The following ATF6 variants were observed in gnomAD, a reference collection of about 807,000 sequenced individuals.
ATF6 encodes activating transcription factor 6.
In ATF6, 53 loss-of-function variants were observed where a neutral mutation model predicts 83.6. The observed-to-expected ratio is 0.63, with a 90% confidence interval of 0.51 to 0.80. ATF6 has a LOEUF of 0.80. ATF6 is among the 30% of genes least tolerant of loss of function. The pLI is 0.00. For missense variants in ATF6, 744 were observed against 797.9 expected (o/e 0.93, Z 0.81); for synonymous variants, 288 against 285.8 (o/e 1.01, Z -0.08).
intron 15 of ATF6, among the ~76,000 whole-genome samples, chr1:161,919,493 G>A (rs1203231493): frequency 1.3e-5 from 2 of 152,068 alleles, no homozygotes; most frequent in African/African-American, 4.8e-5. Context: ...ATAGAAAAGG[G>A]GGTTTTTAAT....
intron 9 of ATF6, among the ~76,000 whole-genome samples, chr1:161,829,189 C>CTTTT (rs35619050): frequency 7.2e-4 from 52 of 72,554 alleles, no homozygotes; most frequent in Non-Finnish European, 1.1e-3. Flanking sequence ...TAATGGGAGA[C>CTTTT]TTTTTTTTTT....
Position 161,943,579 on chromosome 1 carries a change from G to C in ATF6, c.1805-14867G>C, listed in dbSNP as rs1416184663. Reference sequence around the variant, plus strand: ...TGATTCTCTCTGCTTCAGTCACACTGGTCACCTTACTATTCCTCAGATACT... The same window carrying C: ...TGATTCTCTCTGCTTCAGTCACACTCGTCACCTTACTATTCCTCAGATACT... On this transcript the variant is annotated intron_variant, in intron 15 of 15. Transcript: ENST00000367942. 2.0e-5 allele frequency among the ~76,000 whole-genome samples: 3 copies of C among 152,048 alleles called. No individual in the cohort carries two copies. In the East Asian group the frequency reaches 5.8e-4, roughly 29 times the overall value.
intron 3 of ATF6, among the ~76,000 whole-genome samples, chr1:161,782,331 T>C (rs1479545120): frequency 6.6e-6 from 1 of 152,220 alleles, no homozygotes; most frequent in Non-Finnish European, 1.5e-5. Flanking sequence ...AGAGCCTGGG[T>C]TACCAGAACC....
chr1:161,766,683 A>G (rs2271010), intron 1 of ATF6, among the ~76,000 whole-genome samples: 21,586 of 152,174 alleles, frequency 0.14, 2,082 homozygotes, highest in East Asian at 0.31. Flanking sequence ...CACTATTCCC[A>G]CTGGGGAAGT....
chr1:161,823,158 ATTAAAACT>A (rs1455231111), intron 9 of ATF6, among the ~76,000 whole-genome samples: 1 of 152,016 alleles, frequency 6.6e-6, no homozygotes, highest in African/African-American at 2.4e-5. Flanking sequence ...TATATGAGAA[ATTAAAACT>A]TTAAAAATAA....
intron 9 of ATF6, among the ~76,000 whole-genome samples, chr1:161,839,141 A>ATGGT (rs1686293843): frequency 1.3e-5 from 2 of 152,204 alleles, no homozygotes; most frequent in African/African-American, 2.4e-5. Flanking sequence ...CAAGAGGCAG[A>ATGGT]TGGTGCATGA....
At chr1:161,832,079 A>G (rs556983566) in intron 9 of ATF6, among the ~76,000 whole-genome samples, 20 of 152,282 alleles carry the variant, frequency 1.3e-4, no homozygotes, top group Non-Finnish European at 2.1e-4. Context: ...TAGAAAAAAT[A>G]AACTACAGAA....
intron 3 of ATF6, 99 bp from the exon 4 acceptor site, chr1:161,783,891 C>A: frequency 1.2e-6 from 1 of 842,548 alleles, no homozygotes; most frequent in Non-Finnish European, 1.9e-6. Flanking sequence ...GCTTCCATAT[C>A]TGATTGAATT....
At chr1:161,813,589 T>C (rs757288584) in intron 7 of ATF6, among the ~76,000 whole-genome samples, 13 of 152,228 alleles carry the variant, frequency 8.5e-5, no homozygotes, top group Non-Finnish European at 1.9e-4. Flanking sequence ...TTCTGTCCTG[T>C]GCTTTTCTGT....
chr1:161,873,714 C>A (rs1375978780), intron 14 of ATF6, among the ~76,000 whole-genome samples: 1 of 151,472 alleles, frequency 6.6e-6, no homozygotes, highest in Admixed American at 6.6e-5. Flanking sequence ...ACACTGGAAG[C>A]CTGCAAGATG....
At chr1:161,929,759 A>G (rs1203815282) in intron 15 of ATF6, among the ~76,000 whole-genome samples, 1 of 152,230 alleles carries the variant, frequency 6.6e-6, no homozygotes. Context: ...AGATGAAAAA[A>G]CAATGTGTTC....
chr1:161,819,529 T>TG, intron 7 of ATF6, 104 bp from the exon 8 acceptor site: 1 of 930,450 alleles, frequency 1.1e-6, no homozygotes, highest in Non-Finnish European at 1.5e-6. Context: ...ACCTATGCTT[T>TG]GAAAAAATTG....
chr1:161,781,543 T>C (rs995861664), intron 2 of ATF6, among the ~76,000 whole-genome samples: 8 of 152,248 alleles, frequency 5.3e-5, no homozygotes, highest in Non-Finnish European at 1.2e-4. Flanking sequence ...GAATAGCATT[T>C]ACTTTGTCTT....
rs191675386 is a variant in ATF6, at chr1:161,818,947, G to C, written c.910-686G>C. On this transcript the variant is annotated intron_variant, in intron 7 of 15. Coordinates refer to ENST00000367942, the MANE Select transcript of ATF6 (RefSeq NM_007348.4). ...ATGAGATGGAACACAATTGAAATAGGAGTCTGTTGCAGTAGTATAGGGATG... is the reference window on the plus strand; with the variant it reads ...ATGAGATGGAACACAATTGAAATAGCAGTCTGTTGCAGTAGTATAGGGATG... Among the ~76,000 whole-genome samples, 359 of 152,302 alleles carry C rather than the reference G, an allele frequency of 2.4e-3. 1 individual carries two copies. The highest frequency in any genetic ancestry group is 3.3e-3 in the Non-Finnish European group (225 of 68,020).
chr1:161,813,517 C>T (rs7518743), intron 7 of ATF6, among the ~76,000 whole-genome samples: 40,218 of 152,080 alleles, frequency 0.26, 8,967 homozygotes, highest in African/African-American at 0.61. Context: ...ACCTCTCTTT[C>T]TCTCTTATAC....
intron 12 of ATF6, among the ~76,000 whole-genome samples, chr1:161,854,902 A>C (rs76505976): frequency 0.013 from 1,972 of 152,008 alleles, 47 homozygotes; most frequent in African/African-American, 0.044. Context: ...GAAAATCTGG[A>C]GAAAGAGCTT....
intron 9 of ATF6, among the ~76,000 whole-genome samples, chr1:161,833,473 T>A (rs2101803229): frequency 6.6e-6 from 1 of 151,976 alleles, no homozygotes; most frequent in East Asian, 1.9e-4. Context: ...AAGGAGGAAG[T>A]TCGAACCAAT....
At chr1:161,927,345 C>T (rs908343630) in intron 15 of ATF6, among the ~76,000 whole-genome samples, 6 of 152,018 alleles carry the variant, frequency 3.9e-5, no homozygotes, top group Non-Finnish European at 5.9e-5. Context: ...ATGTAAAAAA[C>T]ATTTATAGAG....
intron 15 of ATF6, among the ~76,000 whole-genome samples, chr1:161,940,045 T>G (rs2101908846): frequency 6.6e-6 from 1 of 152,274 alleles, no homozygotes; most frequent in African/African-American, 2.4e-5. Context: ...CCTAACATTC[T>G]CGAACACCTG....
Sources: gnomAD v4.1 joint callset for allele counts (sites outside exome capture counted in the v4.1 genomes callset) on GRCh38, gnomAD v4.1.1 for gene constraint, MANE v1.5 for transcripts, NCBI Gene and HGNC (gene_info 2026-07-23, HGNC 2026-07-21) for gene names.